Variants in FHAD1 observed in about 807,000 individuals in gnomAD.
The protein encoded by FHAD1 is forkhead-associated domain-containing protein 1.
Under a neutral mutation model 191.3 loss-of-function variants are expected in FHAD1, and 146 were observed. That is an observed-to-expected ratio of 0.76 (90% confidence interval 0.67 to 0.88). FHAD1 has a LOEUF of 0.88. Among genes scored for constraint, FHAD1 ranks in the 40% least tolerant of loss-of-function variants. FHAD1 has a pLI of 0.00. For synonymous variants in FHAD1, 616 were observed against 672.3 expected (o/e 0.92, Z 1.29); for missense variants, 1,635 against 1,785.8 (o/e 0.92, Z 1.52).
chr1:15,345,177 C>T lies in FHAD1; in HGVS notation c.2225C>T (p.Ala742Val). 1 of 1,551,306 alleles carries T rather than the reference C, an allele frequency of 6.4e-7. No individual in the cohort carries two copies. Among genetic ancestry groups the T allele is most frequent in the Non-Finnish European group, 8.7e-7 (1 of 1,146,646 alleles). Residue 742 changes from alanine (A) to valine (V), a missense_variant, in exon 17 of 34, where the codon GCC (alanine) becomes GTC (valine). Coordinates refer to ENST00000688493, the MANE Select transcript of FHAD1 (RefSeq NM_001391957.1). Reference protein sequence around the residue: ...KRMQELESLLAQQKKALAKSI... With the variant: ...KRMQELESLLVQQKKALAKSI... ...ATGCAAGAACTGGAGAGCCTCCTGG[C>T]CCAGCAGAAGAAGGTATGTGGCTCA...
chr1:15,393,432 A>G (rs531804299), intron 33 of FHAD1, among the ~76,000 whole-genome samples: 157 of 135,732 alleles, frequency 1.2e-3, no homozygotes, highest in Non-Finnish European at 1.7e-3. Context: ...ACACACACGC[A>G]CACACACACA....
chr1:15,279,661 C>G (rs571458351), intron 3 of FHAD1, among the ~76,000 whole-genome samples: 1 of 152,096 alleles, frequency 6.6e-6, no homozygotes, highest in East Asian at 1.9e-4. Context: ...AACCCCAGCA[C>G]CTTCCAAACT....
chr1:15,313,688 C>T (rs946780337), intron 8 of FHAD1, among the ~76,000 whole-genome samples: 66 of 152,302 alleles, frequency 4.3e-4, no homozygotes, highest in Middle Eastern at 3.4e-3. Context: ...TGCAGTTAGA[C>T]AGACTTTCAT....
At chr1:15,364,331 G>A (rs1045763140) in intron 23 of FHAD1, 3 of 152,592 alleles carry the variant, frequency 2.0e-5, no homozygotes, top group African/African-American at 7.2e-5. Context: ...TGTATAAGGC[G>A]GGGCGCAGTG....
chr1:15,353,815 C>T (rs1433669093), intron 20 of FHAD1, among the ~76,000 whole-genome samples: 2 of 150,628 alleles, frequency 1.3e-5, no homozygotes, highest in African/African-American at 4.9e-5. Context: ...CAGAGTTTGT[C>T]ATCATAATTG....
intron 21 of FHAD1, among the ~76,000 whole-genome samples, chr1:15,358,558 A>C (rs1693602805): frequency 6.6e-6 from 1 of 152,216 alleles, no homozygotes; most frequent in Admixed American, 6.5e-5. Flanking sequence ...ATGGACCCCT[A>C]ATGAGAAGCG....
intron 33 of FHAD1, among the ~76,000 whole-genome samples, chr1:15,396,212 T>G (rs1385785093): frequency 6.6e-6 from 1 of 151,956 alleles, no homozygotes; most frequent in African/African-American, 2.4e-5. Flanking sequence ...CCCAGCTTAC[T>G]CGGGAGGCTG....
intron 7 of FHAD1, among the ~76,000 whole-genome samples, chr1:15,310,609 G>T (rs747620945): frequency 6.6e-6 from 1 of 152,096 alleles, no homozygotes; most frequent in Non-Finnish European, 1.5e-5. Context: ...AGCATCACCT[G>T]GATCCTTGTG....
intron 26 of FHAD1, among the ~76,000 whole-genome samples, chr1:15,371,803 G>A (rs1412619757): frequency 6.6e-6 from 1 of 152,218 alleles, no homozygotes; most frequent in South Asian, 2.1e-4. Flanking sequence ...AGGGTCCAAG[G>A]ACAAGCGAGG....
chr1:15,395,123 C>G (rs1301053347), intron 33 of FHAD1, among the ~76,000 whole-genome samples: 1 of 152,016 alleles, frequency 6.6e-6, no homozygotes, highest in Non-Finnish European at 1.5e-5. Flanking sequence ...ACCATCCTGG[C>G]TAACATGGTG....
intron 6 of FHAD1, among the ~76,000 whole-genome samples, chr1:15,302,306 T>G (rs1574134729): frequency 6.6e-6 from 1 of 152,362 alleles, no homozygotes; most frequent in South Asian, 2.1e-4. Context: ...TGAAGGCAGT[T>G]AGTTACTGGT....
At chr1:15,360,311 G>A (rs569991440) in intron 21 of FHAD1, among the ~76,000 whole-genome samples, 167 bp from the exon 22 acceptor site, 3 of 152,338 alleles carry the variant, frequency 2.0e-5, no homozygotes, top group South Asian at 2.1e-4. Context: ...GAAGGAGTTG[G>A]CCATGCAAGG....
chr1:15,306,992 C>T (rs1429147238), intron 6 of FHAD1, among the ~76,000 whole-genome samples: 1 of 152,212 alleles, frequency 6.6e-6, no homozygotes, highest in African/African-American at 2.4e-5. Flanking sequence ...AATCGTACTC[C>T]TGGAAAAGCC....
chr1:15,299,946 C>T (rs1354677501), intron 5 of FHAD1, among the ~76,000 whole-genome samples: 2 of 152,216 alleles, frequency 1.3e-5, no homozygotes, highest in Non-Finnish European at 2.9e-5. Flanking sequence ...ATGACCAAAA[C>T]CCTGTGGTTC....
chr1:15,402,440 CACTT>C (rs1707150040), downstream of FHAD1, among the ~76,000 whole-genome samples: 1 of 152,168 alleles, frequency 6.6e-6, no homozygotes. Context: ...ACCCAAGGAG[CACTT>C]ACTTTTGACG....
chr1:15,377,289 A>G (rs536196345), intron 28 of FHAD1, among the ~76,000 whole-genome samples: 8 of 152,260 alleles, frequency 5.3e-5, no homozygotes, highest in African/African-American at 1.9e-4. Flanking sequence ...AGAGAAAATC[A>G]AACCCTACTT....
At chr1:15,305,681 G>T (rs1670245537) in intron 6 of FHAD1, 1 of 397,322 alleles carries the variant, frequency 2.5e-6, no homozygotes, top group East Asian at 9.4e-5. Flanking sequence ...TCGTTATAGT[G>T]AATAAGTCTC....
At chr1:15,306,597 G>A (rs550730038) in intron 6 of FHAD1, among the ~76,000 whole-genome samples, 77 of 152,336 alleles carry the variant, frequency 5.1e-4, no homozygotes, top group Middle Eastern at 3.4e-3. Flanking sequence ...TGCAGCCTAG[G>A]GACTTGGTGC....
intron 2 of FHAD1, among the ~76,000 whole-genome samples, chr1:15,265,988 A>AAAG (rs1553230995): frequency 6.1e-5 from 9 of 147,840 alleles, no homozygotes; most frequent in Admixed American, 1.4e-4. Flanking sequence ...AAAAAAAAAA[A>AAAG]AGAGAGAGAG....
Sources: allele counts gnomAD v4.1 joint callset (sites outside exome capture counted in the v4.1 genomes callset), GRCh38; gene constraint gnomAD v4.1.1; transcripts MANE v1.5; gene names NCBI Gene and HGNC (gene_info 2026-07-23, HGNC 2026-07-21).